CFAP299: variants seen among roughly 807,000 people sequenced by gnomAD.
The protein encoded by CFAP299 is cilia and flagella associated protein 299.
A neutral mutation model predicts 27.0 loss-of-function variants in CFAP299; 21 were observed. The ratio of observed to expected loss-of-function variants is 0.78; its 90% confidence interval spans 0.55 to 1.12. CFAP299 has a LOEUF of 1.12. CFAP299 is among the 50% of genes most tolerant of loss of function. The pLI, the probability that CFAP299 is intolerant of heterozygous loss-of-function variation, is 0.00. For missense variants in CFAP299, 310 were observed against 276.6 expected, an observed-to-expected ratio of 1.12 and a Z score of -0.86; for synonymous variants, 104 against 98.1, an observed-to-expected ratio of 1.06 and a Z score of -0.36.
chr4:80,620,842 C>T (rs1168011444), intron 3 of CFAP299, among the ~76,000 whole-genome samples: 1 of 152,078 alleles, frequency 6.6e-6, no homozygotes, highest in Non-Finnish European at 1.5e-5. Flanking sequence ...CTCTATAAGA[C>T]TGTTGTATAC....
chr4:80,933,585 C>T (rs1301723422), intron 4 of CFAP299, among the ~76,000 whole-genome samples: 1 of 151,912 alleles, frequency 6.6e-6, no homozygotes. Context: ...AGATATATTT[C>T]TATTTTTTTA....
upstream of CFAP299, among the ~76,000 whole-genome samples, chr4:80,331,240 A>G (rs146430786): frequency 5.3e-5 from 8 of 152,328 alleles, no homozygotes; most frequent in East Asian, 1.4e-3. Context: ...TGGAACATGT[A>G]ACGTGTGCAG....
intron 3 of CFAP299, among the ~76,000 whole-genome samples, chr4:80,590,248 G>A (rs1282514902): frequency 6.6e-6 from 1 of 152,166 alleles, no homozygotes; most frequent in African/African-American, 2.4e-5. Flanking sequence ...TTGTGTCTCA[G>A]TTTCCTTATC....
intron 4 of CFAP299, among the ~76,000 whole-genome samples, chr4:80,924,311 T>A: frequency 6.6e-6 from 1 of 151,732 alleles, no homozygotes; most frequent in East Asian, 1.9e-4. Context: ...GATCTTACAG[T>A]TCAAAAAAAG....
In CFAP299 at chr4:80,462,097, A is replaced by C. The variant is rs1234465244; in HGVS notation, c.242+99213A>C. Among the ~76,000 whole-genome samples the C allele has an allele frequency of 3.9e-5, 6 of 152,270 alleles. No individual in the cohort carries two copies. The East Asian group carries it at 1.2e-3, about 29-fold the overall frequency. ...CCATGCTAATTTAATCCAACCTTGG[A>C]TCCCCAACACTTAGTGCAGTACAAG... is the stretch of plus-strand genomic sequence containing the variant. On this transcript the variant is annotated intron_variant, in intron 2 of 5. Coordinates refer to ENST00000358105, the MANE Select transcript of CFAP299 (RefSeq NM_152770.3).
At chr4:80,683,449 G>A (rs1028071138) in intron 3 of CFAP299, among the ~76,000 whole-genome samples, 1 of 152,104 alleles carries the variant, frequency 6.6e-6, no homozygotes, top group East Asian at 1.9e-4. Context: ...TGTTTAACAG[G>A]GGAGTCTGAT....
At chr4:80,448,463 G>A (rs1441512582) in intron 2 of CFAP299, among the ~76,000 whole-genome samples, 1 of 152,076 alleles carries the variant, frequency 6.6e-6, no homozygotes, top group Non-Finnish European at 1.5e-5. Flanking sequence ...CTATTTAGTG[G>A]TAAATATCCA....
At chr4:80,550,605 G>T (rs1734456908) in intron 2 of CFAP299, among the ~76,000 whole-genome samples, 1 of 151,966 alleles carries the variant, frequency 6.6e-6, no homozygotes, top group South Asian at 2.1e-4. Context: ...TATTGAAAAT[G>T]ATGTTAGAGT....
chr4:80,898,060 C>A (rs1734698196), intron 4 of CFAP299, among the ~76,000 whole-genome samples: 1 of 152,124 alleles, frequency 6.6e-6, no homozygotes, highest in African/African-American at 2.4e-5. Context: ...ACCCCTGAAG[C>A]TCCAGAGGAA....
chr4:80,446,877 C>T (rs569468560), intron 2 of CFAP299, among the ~76,000 whole-genome samples: 15 of 152,232 alleles, frequency 9.9e-5, no homozygotes, highest in African/African-American at 3.4e-4. Flanking sequence ...TTTATGTGTG[C>T]ATTTTTATGG....
chr4:80,863,716 A>AT (rs1488382396), intron 3 of CFAP299, among the ~76,000 whole-genome samples: 5 of 152,088 alleles, frequency 3.3e-5, no homozygotes, highest in Admixed American at 1.3e-4. Flanking sequence ...ATAGCATGTG[A>AT]TTTTTTTAAT....
chr4:80,776,649 C>A (rs1726557924), intron 3 of CFAP299, among the ~76,000 whole-genome samples: 1 of 151,834 alleles, frequency 6.6e-6, no homozygotes, highest in Non-Finnish European at 1.5e-5. Context: ...GGGCTTAAAA[C>A]CTAGATGATG....
intron 4 of CFAP299, among the ~76,000 whole-genome samples, chr4:80,888,000 G>A (rs1734056405): frequency 6.6e-6 from 1 of 151,902 alleles, no homozygotes; most frequent in Non-Finnish European, 1.5e-5. Context: ...AAAAAAATAG[G>A]AAAGTAAAGT....
chr4:80,567,733 A>T lies in CFAP299; in HGVS notation c.243-15360A>T, dbSNP rs996040946. 2.6e-3 allele frequency among the ~76,000 whole-genome samples: 8 copies of T among 3,084 alleles called. 1 individual carries two copies. Among genetic ancestry groups the T allele is most frequent in the African/African-American group, 4.1e-3 (6 of 1,448 alleles). The allele number at this position is 3,084 out of a possible 152,430, so 2.0% of individuals were successfully genotyped here. A position where few individuals can be genotyped will look rare whatever the true frequency, so the allele number is the denominator to read the frequency against. ...TTAAAAATGCTATTCTAATGTATTT[A>T]TATATATATATATATATAAGTACAT... On this transcript the variant is annotated intron_variant, in intron 2 of 5. Transcript: ENST00000358105.
At chr4:80,895,097 G>A (rs2110190206) in intron 4 of CFAP299, among the ~76,000 whole-genome samples, 1 of 151,844 alleles carries the variant, frequency 6.6e-6, no homozygotes, top group Non-Finnish European at 1.5e-5. Context: ...TAAATGAACA[G>A]CAAAGTGAAT....
intron 2 of CFAP299, among the ~76,000 whole-genome samples, chr4:80,513,577 T>C (rs1732424985): frequency 6.6e-6 from 1 of 152,242 alleles, no homozygotes; most frequent in Non-Finnish European, 1.5e-5. Flanking sequence ...AAGCTATGCA[T>C]TTGTTAGATA....
intron 5 of CFAP299, among the ~76,000 whole-genome samples, chr4:80,963,213 C>T (rs917082915): frequency 1.3e-5 from 2 of 151,968 alleles, no homozygotes; most frequent in African/African-American, 2.4e-5. Flanking sequence ...TAAAGCCTTT[C>T]GCTAGGAATT....
intron 3 of CFAP299, among the ~76,000 whole-genome samples, chr4:80,800,256 T>TTATATAAATAAAATATATAATATATAA (rs1491442999): frequency 6.7e-5 from 5 of 74,142 alleles, no homozygotes; most frequent in African/African-American, 2.8e-4. Context: ...ATAATATATA[T>TTATATAAATAAAATATATAATATATAA]TATATAAATA....
At chr4:80,364,834 G>C (rs906363384) in intron 2 of CFAP299, among the ~76,000 whole-genome samples, 10 of 152,206 alleles carry the variant, frequency 6.6e-5, no homozygotes, top group African/African-American at 2.4e-4. Flanking sequence ...TTCAGCTCCC[G>C]CTTGGAGGTG....
Sources: gnomAD v4.1 joint callset for allele counts (sites outside exome capture counted in the v4.1 genomes callset) on GRCh38, gnomAD v4.1.1 for gene constraint, MANE v1.5 for transcripts, NCBI Gene and HGNC (gene_info 2026-07-23, HGNC 2026-07-21) for gene names.